The following CNTN4 variants were observed in gnomAD, a reference collection of about 807,000 sequenced individuals.
CNTN4 encodes contactin 4.
In CNTN4, 77 loss-of-function variants were observed where a neutral mutation model predicts 122.5. That is an observed-to-expected ratio of 0.63 (90% CI 0.52 to 0.76). The LOEUF (loss-of-function observed/expected upper bound fraction) is 0.76, where lower values mean the gene tolerates loss of function less well. Among genes scored for constraint, CNTN4 ranks in the 30% least tolerant of loss-of-function variants. CNTN4 has a pLI of 0.00. For synonymous variants in CNTN4, 512 were observed against 447.0 expected, an observed-to-expected ratio of 1.15 and a Z score of -1.83; for missense variants, 1,256 against 1,259.1, an observed-to-expected ratio of 1.00 and a Z score of 0.04.
chr3:3,049,031 C>T (rs1171508016), intron 23 of CNTN4, among the ~76,000 whole-genome samples: 1 of 152,194 alleles, frequency 6.6e-6, no homozygotes, highest in Non-Finnish European at 1.5e-5. Flanking sequence ...CATTCAGAAA[C>T]TACTACTAAT....
chr3:2,658,341 G>T (rs370108486), intron 4 of CNTN4, among the ~76,000 whole-genome samples: 1 of 151,878 alleles, frequency 6.6e-6, no homozygotes, highest in African/African-American at 2.4e-5. Flanking sequence ...ACTTCAAACC[G>T]TCTGTGAGCC....
intron 14 of CNTN4, among the ~76,000 whole-genome samples, chr3:3,010,889 T>A (rs1697159642): frequency 6.6e-6 from 1 of 152,172 alleles, no homozygotes; most frequent in African/African-American, 2.4e-5. Context: ...TTCAGCATCA[T>A]GTAAGTACAC....
intron 3 of CNTN4, among the ~76,000 whole-genome samples, chr3:2,440,795 C>T (rs919173487): frequency 6.8e-6 from 1 of 147,308 alleles, no homozygotes; most frequent in Non-Finnish European, 1.5e-5. Flanking sequence ...TATATTCATA[C>T]ATATATAACA....
Position 2,628,614 on chromosome 3 carries a change from A to C in CNTN4, c.55+57056A>C, listed in dbSNP as rs77622951. 6.1e-3 allele frequency among the ~76,000 whole-genome samples: 924 copies of C among 152,240 alleles called. 3 individuals are homozygous for C. Among genetic ancestry groups the C allele is most frequent in the African/African-American group, 0.02 (829 of 41,534 alleles). ...GGGATTTTCTTTTCTAGTTGCCTTT[A>C]TCCGTGTCGGTGAAATGAGAACAAA... On this transcript the variant is annotated intron_variant, in intron 4 of 24. Transcript: ENST00000418658.
At chr3:2,123,790 T>C (rs1378449606) in intron 2 of CNTN4, among the ~76,000 whole-genome samples, 1 of 152,202 alleles carries the variant, frequency 6.6e-6, no homozygotes, top group Non-Finnish European at 1.5e-5. Context: ...ACCACTTAAC[T>C]GATCAAAACT....
chr3:2,920,421 A>G (rs764984923), intron 12 of CNTN4, among the ~76,000 whole-genome samples: 1 of 151,494 alleles, frequency 6.6e-6, no homozygotes, highest in East Asian at 1.9e-4. Flanking sequence ...TGTGTGATAC[A>G]TACACATTAT....
intron 3 of CNTN4, among the ~76,000 whole-genome samples, chr3:2,368,728 T>C (rs3913590): frequency 0.37 from 56,757 of 151,946 alleles, 10,793 homozygotes; most frequent in Middle Eastern, 0.48. Flanking sequence ...TAGGAGATCA[T>C]TATTGCAGTG....
intron 2 of CNTN4, among the ~76,000 whole-genome samples, chr3:2,333,487 G>A (rs1178566713): frequency 6.6e-6 from 1 of 152,198 alleles, no homozygotes; most frequent in Non-Finnish European, 1.5e-5. Flanking sequence ...GTTATCAAGA[G>A]ATAATCATAT....
At chr3:2,449,299 ATACTGCAATAAACT>A (rs1479094250) in intron 3 of CNTN4, among the ~76,000 whole-genome samples, 1 of 152,198 alleles carries the variant, frequency 6.6e-6, no homozygotes, top group African/African-American at 2.4e-5. Flanking sequence ...ATTGTGAATA[ATACTGCAATAAACT>A]TAAGAATGCA....
chr3:2,598,226 T>A (rs2080864230), intron 4 of CNTN4, among the ~76,000 whole-genome samples: 1 of 152,134 alleles, frequency 6.6e-6, no homozygotes, highest in African/African-American at 2.4e-5. Context: ...CCGAACAACC[T>A]CGTTAGTCCT....
At chr3:2,373,120 A>G (rs561620320) in intron 3 of CNTN4, among the ~76,000 whole-genome samples, 37 of 152,328 alleles carry the variant, frequency 2.4e-4, no homozygotes, top group Non-Finnish European at 4.4e-4. Context: ...GGGGTTCCCA[A>G]AACTTTTTAA....
chr3:2,678,971 GA>G (rs1347702824), intron 4 of CNTN4, among the ~76,000 whole-genome samples: 1 of 152,102 alleles, frequency 6.6e-6, no homozygotes, highest in East Asian at 1.9e-4. Flanking sequence ...ACATTAAACT[GA>G]AAAAGTGCAC....
intron 2 of CNTN4, among the ~76,000 whole-genome samples, chr3:2,231,920 C>A (rs1033556193): frequency 1.3e-5 from 2 of 152,054 alleles, no homozygotes; most frequent in Non-Finnish European, 2.9e-5. Context: ...CAATACAACA[C>A]ATTCCTATGA....
In CNTN4 at chr3:2,192,087, C is replaced by T. The variant is rs1362868396; in HGVS notation, c.-145+91448C>T. 7.9e-5 allele frequency among the ~76,000 whole-genome samples: 12 copies of T among 151,818 alleles called. No individual in the cohort carries two copies. The South Asian group carries it at 2.1e-3, about 27-fold the overall frequency. On this transcript the variant is annotated intron_variant, in intron 2 of 24. Transcript: ENST00000418658. ...TCCTTTTTTATGGCTGCATAGTATT[C>T]CATGGTGTATATGTCCCACATTTTC...
At chr3:2,812,278 T>A (rs1263886694) in intron 6 of CNTN4, among the ~76,000 whole-genome samples, 1 of 152,176 alleles carries the variant, frequency 6.6e-6, no homozygotes, top group African/African-American at 2.4e-5. Flanking sequence ...TTAAAAGTTT[T>A]AAAAAGGTAG....
intron 2 of CNTN4, among the ~76,000 whole-genome samples, chr3:2,241,025 G>C (rs563384783): frequency 4.6e-5 from 7 of 152,172 alleles, no homozygotes; most frequent in Non-Finnish European, 7.4e-5. Context: ...GCAAAGGGCG[G>C]TTTGCAGCAT....
chr3:2,770,829 G>T (rs908615451), intron 6 of CNTN4, among the ~76,000 whole-genome samples: 1 of 152,228 alleles, frequency 6.6e-6, no homozygotes, highest in Non-Finnish European at 1.5e-5. Flanking sequence ...TTGAGGCATA[G>T]CTCAGGGGCT....
At chr3:2,118,082 A>G (rs1284575942) in intron 2 of CNTN4, among the ~76,000 whole-genome samples, 1 of 152,206 alleles carries the variant, frequency 6.6e-6, no homozygotes, top group Non-Finnish European at 1.5e-5. Flanking sequence ...TATTAATTGA[A>G]CATTTATAAT....
At chr3:2,561,422 C>T (rs527889473) in intron 3 of CNTN4, among the ~76,000 whole-genome samples, 1 of 152,224 alleles carries the variant, frequency 6.6e-6, no homozygotes, top group South Asian at 2.1e-4. Flanking sequence ...AGCAGGGTTT[C>T]TGGGGATTGC....
Sources: gnomAD v4.1 joint callset for allele counts (sites outside exome capture counted in the v4.1 genomes callset) on GRCh38, gnomAD v4.1.1 for gene constraint, MANE v1.5 for transcripts, NCBI Gene and HGNC (gene_info 2026-07-23, HGNC 2026-07-21) for gene names.